DLG2: variants seen among roughly 807,000 people sequenced by gnomAD.
DLG2 encodes discs large MAGUK scaffold protein 2.
Under a neutral mutation model 132.5 loss-of-function variants are expected in DLG2, and 45 were observed. The ratio of observed to expected loss-of-function variants is 0.34; its 90% confidence interval spans 0.27 to 0.44. The LOEUF (loss-of-function observed/expected upper bound fraction) is 0.44, where lower values mean the gene tolerates loss of function less well. Ranked by LOEUF, DLG2 falls within the 20% of genes least tolerant of loss-of-function variation. The pLI is 1.00. For synonymous variants in DLG2, 424 were observed against 419.6 expected (o/e 1.01, Z -0.13); for missense variants, 1,045 against 1,196.9 (o/e 0.87, Z 1.87).
intron 3 of DLG2, chr11:85,452,578 C>G (rs1343288531): frequency 5.0e-6 from 1 of 200,754 alleles, no homozygotes; most frequent in Non-Finnish European, 1.1e-5. Context: ...AGAATGTACC[C>G]TCCTATATCT....
At chr11:84,452,185 A>T (rs2099053497) in intron 7 of DLG2, among the ~76,000 whole-genome samples, 1 of 151,442 alleles carries the variant, frequency 6.6e-6, no homozygotes, top group Admixed American at 6.6e-5. Flanking sequence ...GAGGAAGAGG[A>T]GGAGGAGGAC....
chr11:83,685,402 C>T (rs978955184), intron 18 of DLG2, among the ~76,000 whole-genome samples: 1 of 152,074 alleles, frequency 6.6e-6, no homozygotes, highest in Non-Finnish European at 1.5e-5. Context: ...AATCAATATC[C>T]GGTGCACAGT....
At chr11:83,648,418 ATTTC>A (rs2068931419) in intron 18 of DLG2, among the ~76,000 whole-genome samples, 3 of 152,210 alleles carry the variant, frequency 2.0e-5, no homozygotes, top group Middle Eastern at 3.4e-3. Context: ...AAGAGGAGAA[ATTTC>A]TTTCAATCAA....
intron 7 of DLG2, among the ~76,000 whole-genome samples, chr11:84,476,622 T>C (rs1005496564): frequency 2.6e-5 from 4 of 152,194 alleles, no homozygotes; most frequent in Admixed American, 6.5e-5. Flanking sequence ...ATGTGATTTC[T>C]GAAGCTAGGT....
chr11:85,121,541 A>G (rs1566891512), intron 5 of DLG2, among the ~76,000 whole-genome samples: 1 of 152,076 alleles, frequency 6.6e-6, no homozygotes, highest in Non-Finnish European at 1.5e-5. Context: ...TTTAATAAAA[A>G]GGTGCAATTG....
intron 19 of DLG2, among the ~76,000 whole-genome samples, chr11:83,569,564 G>A (rs149988169): frequency 4.1e-4 from 63 of 152,320 alleles, no homozygotes; most frequent in African/African-American, 1.5e-3. Flanking sequence ...CTCTGGCTAA[G>A]AAGCTGATCT....
intron 7 of DLG2, among the ~76,000 whole-genome samples, chr11:84,308,563 C>T (rs988080488): frequency 3.9e-5 from 6 of 152,236 alleles, no homozygotes; most frequent in African/African-American, 7.2e-5. Context: ...CTCCTCAGCC[C>T]TTGGGCGGTC....
At chr11:85,504,132 A>G (rs1467666418) in intron 3 of DLG2, among the ~76,000 whole-genome samples, 1 of 152,154 alleles carries the variant, frequency 6.6e-6, no homozygotes, top group Non-Finnish European at 1.5e-5. Context: ...AGATGGGTAG[A>G]TTGCAAAAAT....
intron 10 of DLG2, among the ~76,000 whole-genome samples, chr11:84,095,369 T>C (rs769607665): frequency 1.6e-4 from 24 of 152,170 alleles, no homozygotes; most frequent in Non-Finnish European, 4.4e-5. Context: ...AATGAGAAAA[T>C]AGCTATTAAG....
chr11:85,393,373 G>A (rs1036434312), intron 3 of DLG2, among the ~76,000 whole-genome samples: 5 of 152,092 alleles, frequency 3.3e-5, no homozygotes, highest in African/African-American at 1.2e-4. Flanking sequence ...CACTGTTGGT[G>A]GGAATGTAAT....
chr11:84,612,945 C>G (rs1291095552), intron 6 of DLG2, among the ~76,000 whole-genome samples: 1 of 152,120 alleles, frequency 6.6e-6, no homozygotes, highest in Non-Finnish European at 1.5e-5. Flanking sequence ...TATGTAAATT[C>G]TTAATCATGG....
rs530434870 is a variant in DLG2 at position 83,687,088 on chromosome 11, C to G, written c.1826-53763G>C. ...ATGGTGCCACAAACCCAAAAACTACCACAAGGCAGAGAAGAGGCCTAGACC... is the reference window on the plus strand; with the variant it reads ...ATGGTGCCACAAACCCAAAAACTACGACAAGGCAGAGAAGAGGCCTAGACC... On this transcript the variant is annotated intron_variant, in intron 18 of 27. Transcript: ENST00000376104. Among the ~76,000 whole-genome samples, 5 of 152,264 alleles carry G rather than the reference C, an allele frequency of 3.3e-5. No individual in the cohort carries two copies. In the South Asian group the frequency reaches 1.0e-3, roughly 32 times the overall value.
intron 7 of DLG2, among the ~76,000 whole-genome samples, chr11:84,491,506 T>C (rs1232616490): frequency 6.6e-6 from 1 of 152,148 alleles, no homozygotes; most frequent in Non-Finnish European, 1.5e-5. Flanking sequence ...AACAGACTAA[T>C]ACATACAGTT....
intron 19 of DLG2, among the ~76,000 whole-genome samples, chr11:83,619,382 A>C (rs1179782641): frequency 6.6e-6 from 1 of 152,244 alleles, no homozygotes; most frequent in Non-Finnish European, 1.5e-5. Flanking sequence ...TACATCTAAG[A>C]AAATGTGGTA....
chr11:84,443,183 T>G lies in DLG2; in HGVS notation c.519+91387A>C, dbSNP rs1381325213. On this transcript the variant is annotated intron_variant, in intron 7 of 27. Coordinates refer to ENST00000376104, the MANE Select transcript of DLG2 (RefSeq NM_001142699.3). ...TAATGTGCCTCTTCTTTCATATGTT[T>G]AATCATAACATACTTGGCATCAGAA... Among the ~76,000 whole-genome samples the G allele has an allele frequency of 2.0e-5, 3 of 152,154 alleles. No individual in the cohort carries two copies. In the East Asian group the frequency reaches 5.8e-4, roughly 29 times the overall value.
At chr11:85,287,020 A>T (rs1296370503) in intron 3 of DLG2, among the ~76,000 whole-genome samples, 1 of 152,118 alleles carries the variant, frequency 6.6e-6, no homozygotes, top group Non-Finnish European at 1.5e-5. Context: ...CTAGTATTGG[A>T]TTATAACACA....
intron 15 of DLG2, among the ~76,000 whole-genome samples, chr11:83,886,182 G>C (rs956678146): frequency 3.3e-5 from 5 of 152,154 alleles, no homozygotes; most frequent in Admixed American, 3.3e-4. Context: ...AGACCCATCA[G>C]TGTGCTGTAT....
intron 7 of DLG2, among the ~76,000 whole-genome samples, chr11:84,423,191 AC>A (rs1163586093): frequency 6.6e-6 from 1 of 152,160 alleles, no homozygotes. Context: ...TGATGGTTGT[AC>A]AACATTGCAA....
At chr11:85,220,719 CCTT>C (rs2074582365) in intron 4 of DLG2, among the ~76,000 whole-genome samples, 1 of 150,788 alleles carries the variant, frequency 6.6e-6, no homozygotes, top group Admixed American at 6.6e-5. Context: ...ATTTTAGTGT[CCTT>C]CATCTGTCTG....
Sources: gnomAD v4.1 joint callset for allele counts (sites outside exome capture counted in the v4.1 genomes callset) on GRCh38, gnomAD v4.1.1 for gene constraint, MANE v1.5 for transcripts, NCBI Gene and HGNC (gene_info 2026-07-23, HGNC 2026-07-21) for gene names.